RMND1: variants seen among roughly 807,000 people sequenced by gnomAD.
The protein encoded by RMND1 is required for meiotic nuclear division protein 1 homolog.
A neutral mutation model predicts 54.0 loss-of-function variants in RMND1; 41 were observed. That is an observed-to-expected ratio of 0.76 (90% CI 0.59 to 0.98). The LOEUF (loss-of-function observed/expected upper bound fraction) is 0.98. Ranked by LOEUF, RMND1 falls within the 50% of genes least tolerant of loss-of-function variation. The pLI, the probability that RMND1 is intolerant of heterozygous loss-of-function variation, is 0.00. For missense variants in RMND1, 457 were observed against 532.0 expected (o/e 0.86, Z 1.39); for synonymous variants, 183 against 181.7 (o/e 1.01, Z -0.06).
At chr6:151,407,847 C>T (rs1779680732) in intron 10 of RMND1, among the ~76,000 whole-genome samples, 1 of 152,000 alleles carries the variant, frequency 6.6e-6, no homozygotes, top group South Asian at 2.1e-4. Flanking sequence ...GGAGGTGGAG[C>T]TTGCAGTGAG....
intron 10 of RMND1, among the ~76,000 whole-genome samples, chr6:151,412,077 G>A (rs952936904): frequency 6.6e-6 from 1 of 151,978 alleles, no homozygotes; most frequent in Admixed American, 6.6e-5. Flanking sequence ...TTGGCTCACT[G>A]CAACCTCTGC....
At chr6:151,430,000 A>G (rs367679603) in intron 5 of RMND1, 138 bp downstream of exon 5, 17 of 597,986 alleles carry the variant, frequency 2.8e-5, no homozygotes, top group South Asian at 4.4e-5. Flanking sequence ...GATGAAACTG[A>G]TAAGTATCAT....
At chr6:151,430,041 C>A (rs1443953323) in intron 5 of RMND1, 97 bp downstream of exon 5, 7 of 747,270 alleles carry the variant, frequency 9.4e-6, no homozygotes, top group African/African-American at 1.8e-5. Context: ...TGTGCATAAT[C>A]TATTAATTTC....
At chr6:151,442,619 C>A (rs1448013125) in intron 2 of RMND1, among the ~76,000 whole-genome samples, 2 of 151,980 alleles carry the variant, frequency 1.3e-5, no homozygotes, top group East Asian at 3.9e-4. Flanking sequence ...AGCCTGGAAC[C>A]CTGGAGCTCA....
chr6:151,423,851 C>CT lies in RMND1; in HGVS notation c.831-221dup, dbSNP rs34456849. On this transcript the variant is annotated intron_variant, in intron 6 of 11. Coordinates refer to ENST00000444024, the MANE Select transcript of RMND1 (RefSeq NM_017909.4). ...AAAGAAAAATTTGTATACAAGAAAA[C>CT]TTTTTTTTTTTTTTTTGAGACAGTC... 0.16 allele frequency among the ~76,000 whole-genome samples: 22,399 copies of CT among 140,142 alleles called. 1,789 individuals carry two copies. Among genetic ancestry groups the CT allele is most frequent in the Middle Eastern group, 0.21 (57 of 268 alleles). 91.9% of individuals were successfully genotyped at this position (140,142 alleles called of 152,430 possible).
chr6:151,442,262 T>C (rs972109904), intron 2 of RMND1, among the ~76,000 whole-genome samples: 3 of 147,938 alleles, frequency 2.0e-5, no homozygotes, highest in Non-Finnish European at 4.4e-5. Flanking sequence ...ACATAGTACA[T>C]ATACACATAT....
intron 10 of RMND1, 90 bp downstream of exon 10, chr6:151,417,189 A>G (rs1780029879): frequency 7.2e-7 from 1 of 1,379,586 alleles, no homozygotes; most frequent in African/African-American, 1.5e-5. Context: ...ATGGAAGTCA[A>G]ACAAGATATT....
intron 10 of RMND1, among the ~76,000 whole-genome samples, chr6:151,406,658 A>G (rs558831741): frequency 1.4e-4 from 22 of 152,196 alleles, no homozygotes; most frequent in Admixed American, 2.6e-4. Flanking sequence ...CCTGGATGTG[A>G]TAACTGTTAA....
chr6:151,417,975 A>AT (rs769961992), intron 9 of RMND1, among the ~76,000 whole-genome samples: 5 of 151,962 alleles, frequency 3.3e-5, no homozygotes, highest in Non-Finnish European at 5.9e-5. Context: ...CACCTGGCTA[A>AT]TTTTTTGTAT....
intron 1 of RMND1, among the ~76,000 whole-genome samples, chr6:151,449,778 G>A (rs1781077682): frequency 6.6e-6 from 1 of 152,338 alleles, no homozygotes; most frequent in Middle Eastern, 3.4e-3. Flanking sequence ...CCTGCCGAGT[G>A]CCTGCGATTA....
chr6:151,405,417 G>A (rs149366520), intron 11 of RMND1, 150 bp from the exon 12 acceptor site: 7 of 707,484 alleles, frequency 9.9e-6, no homozygotes, highest in South Asian at 3.6e-5. Context: ...TTGGAGGTAC[G>A]GGTGCTTGAT....
rs1562800895 is a variant in RMND1, at chr6:151,445,295, A to G, written c.504+13T>C. Reference sequence around the variant, plus strand: ...ATCACTAAGCACGAGAGCCACGGCCACCCCTACTTTACCTCGTTCACAGAC... The same window carrying G: ...ATCACTAAGCACGAGAGCCACGGCCGCCCCTACTTTACCTCGTTCACAGAC... On this transcript the variant is annotated intron_variant, in intron 2 of 11. Transcript: ENST00000444024. 1 of 1,594,352 alleles carries G rather than the reference A, an allele frequency of 6.3e-7. No homozygotes were observed. The highest frequency in any genetic ancestry group is 2.2e-5 in the East Asian group (1 of 44,694).
chr6:151,431,310 G>A (rs910310067), intron 4 of RMND1, among the ~76,000 whole-genome samples: 40 of 152,212 alleles, frequency 2.6e-4, no homozygotes, highest in African/African-American at 9.6e-4. Context: ...GGAACTTTAT[G>A]CAGTGATAGA....
At chr6:151,449,962 A>G (rs924545887) in intron 1 of RMND1, among the ~76,000 whole-genome samples, 1 of 152,152 alleles carries the variant, frequency 6.6e-6, no homozygotes, top group Non-Finnish European at 1.5e-5. Flanking sequence ...TCAATGGTGC[A>G]CAGGCTGGAG....
chr6:151,422,631 A>T (rs1428664611), intron 7 of RMND1, 26 bp from the exon 8 acceptor site: 1 of 1,212,488 alleles, frequency 8.2e-7, no homozygotes, highest in Admixed American at 2.2e-5. Flanking sequence ...ATAATGGAAC[A>T]TTTCTTTATC....
chr6:151,447,253 T>G (rs1780982148), intron 1 of RMND1, among the ~76,000 whole-genome samples: 1 of 152,140 alleles, frequency 6.6e-6, no homozygotes, highest in Admixed American at 6.5e-5. Flanking sequence ...AAAGTCATCC[T>G]AAAAAGTTTC....
chr6:151,414,542 C>T (rs1779944544), intron 10 of RMND1, among the ~76,000 whole-genome samples: 1 of 151,968 alleles, frequency 6.6e-6, no homozygotes, highest in South Asian at 2.1e-4. Context: ...ATTCAACAAG[C>T]AATTCTGAAC....
At chr6:151,449,326 G>A (rs868363694) in intron 1 of RMND1, among the ~76,000 whole-genome samples, 3 of 147,430 alleles carry the variant, frequency 2.0e-5, no homozygotes, top group African/African-American at 5.1e-5. Flanking sequence ...CCGAGATCGC[G>A]CCACTGCACT....
At chr6:151,431,487 C>T (rs9479040) in intron 4 of RMND1, among the ~76,000 whole-genome samples, 13,609 of 152,044 alleles carry the variant, frequency 0.09, 1,784 homozygotes, top group African/African-American at 0.29. Flanking sequence ...TTTCAGGATA[C>T]GGATTTGAGA....
Sources: gnomAD v4.1 joint callset for allele counts (sites outside exome capture counted in the v4.1 genomes callset) on GRCh38, gnomAD v4.1.1 for gene constraint, MANE v1.5 for transcripts, NCBI Gene and HGNC (gene_info 2026-07-23, HGNC 2026-07-21) for gene names.